The following NRG1 variants were observed in gnomAD, a reference collection of about 807,000 sequenced individuals.
NRG1 encodes the protein neuregulin 1.
Under a neutral mutation model 63.8 loss-of-function variants are expected in NRG1, and 18 were observed. The ratio of observed to expected loss-of-function variants is 0.28; its 90% CI spans 0.19 to 0.42. NRG1 has a LOEUF of 0.42. NRG1 is among the 10% of genes least tolerant of loss of function. The pLI is 1.00. For missense variants in NRG1, 762 were observed against 814.7 expected (o/e 0.94, Z 0.79); for synonymous variants, 302 against 301.3 (o/e 1.00, Z -0.02).
chr8:31,732,720 C>T (rs1814219219), intron 1 of NRG1, among the ~76,000 whole-genome samples: 1 of 152,070 alleles, frequency 6.6e-6, no homozygotes. Flanking sequence ...CATGGTGAAA[C>T]TCCATCTCTA....
In NRG1 at chr8:31,828,887, A is replaced by G. The variant is rs117810710; in HGVS notation, c.37+189456A>G. On this transcript the variant is annotated intron_variant, in intron 1 of 10. Transcript: ENST00000519301. ...GTCAGTAGAATGCATTTGTGTACTTACACACTTATTATTCAACAAATGCCT... is the reference window on the plus strand; with the variant it reads ...GTCAGTAGAATGCATTTGTGTACTTGCACACTTATTATTCAACAAATGCCT... Among the ~76,000 whole-genome samples the G allele has an allele frequency of 3.9e-3, 587 of 152,322 alleles. 1 individual carries two copies. Among genetic ancestry groups the G allele is most frequent in the Middle Eastern group, 0.024 (7 of 294 alleles).
At chr8:32,604,871 C>T (rs1011830099) in intron 2 of NRG1, among the ~76,000 whole-genome samples, 1 of 102,924 alleles carries the variant, frequency 9.7e-6, no homozygotes. Context: ...CAATGCTGCC[C>T]ATGTTAAAAA....
At chr8:31,882,154 C>A (rs529672679) in intron 1 of NRG1, among the ~76,000 whole-genome samples, 1 of 151,798 alleles carries the variant, frequency 6.6e-6, no homozygotes, top group African/African-American at 2.4e-5. Flanking sequence ...GACCTTAAGT[C>A]GAAGCCCATG....
At chr8:31,834,678 T>A (rs1467431223) in intron 1 of NRG1, among the ~76,000 whole-genome samples, 2 of 152,120 alleles carry the variant, frequency 1.3e-5, no homozygotes, top group African/African-American at 4.8e-5. Flanking sequence ...ATCACTACAC[T>A]CCAGTCTGTG....
chr8:31,794,732 G>A (rs1821036513), intron 1 of NRG1, among the ~76,000 whole-genome samples: 1 of 152,044 alleles, frequency 6.6e-6, no homozygotes, highest in Non-Finnish European at 1.5e-5. Flanking sequence ...TTATGGAGTA[G>A]TAACATGATA....
At chr8:32,050,989 T>G (rs1056941671) in intron 1 of NRG1, among the ~76,000 whole-genome samples, 3 of 151,896 alleles carry the variant, frequency 2.0e-5, no homozygotes, top group Non-Finnish European at 2.9e-5. Context: ...AGGGGAGAGA[T>G]AAGAGAGTGG....
At chr8:31,787,724 T>TA (rs1453764959) in intron 1 of NRG1, among the ~76,000 whole-genome samples, 1 of 152,208 alleles carries the variant, frequency 6.6e-6, no homozygotes, top group African/African-American at 2.4e-5. Flanking sequence ...GCAAATATAC[T>TA]AATGTTATAT....
chr8:31,680,883 C>T (rs2131060268), intron 1 of NRG1, among the ~76,000 whole-genome samples: 1 of 152,228 alleles, frequency 6.6e-6, no homozygotes, highest in South Asian at 2.1e-4. Flanking sequence ...CCTGCCCGCA[C>T]ACAGAACAGC....
At chr8:32,704,274 T>C (rs955053670) in intron 5 of NRG1, among the ~76,000 whole-genome samples, 2 of 152,222 alleles carry the variant, frequency 1.3e-5, no homozygotes, top group Non-Finnish European at 2.9e-5. Context: ...TAGTGATTTG[T>C]TGAGCTGGAT....
intron 1 of NRG1, among the ~76,000 whole-genome samples, chr8:31,990,243 C>T (rs1354373205): frequency 6.6e-6 from 1 of 152,098 alleles, no homozygotes; most frequent in African/African-American, 2.4e-5. Flanking sequence ...AATTCCTGAT[C>T]TAGGTAATGC....
intron 1 of NRG1, among the ~76,000 whole-genome samples, chr8:32,432,808 C>T (rs75212307): frequency 0.014 from 2,152 of 152,188 alleles, 56 homozygotes; most frequent in African/African-American, 0.049. Context: ...TATTTAATAT[C>T]ACAACGAAGT....
intron 1 of NRG1, among the ~76,000 whole-genome samples, chr8:31,671,415 G>T (rs1013209829): frequency 2.6e-5 from 4 of 152,122 alleles, no homozygotes; most frequent in South Asian, 2.1e-4. Flanking sequence ...ATTAGTTGGG[G>T]ATAGCGGATT....
At chr8:32,093,556 T>C (rs1311903441) in intron 1 of NRG1, among the ~76,000 whole-genome samples, 1 of 152,172 alleles carries the variant, frequency 6.6e-6, no homozygotes, top group Non-Finnish European at 1.5e-5. Flanking sequence ...TTTTTCACTA[T>C]ATAGGAACCG....
intron 1 of NRG1, among the ~76,000 whole-genome samples, chr8:32,319,802 AT>A (rs1192301309): frequency 1.3e-5 from 2 of 152,116 alleles, no homozygotes; most frequent in African/African-American, 4.8e-5. Context: ...ATTAGGAATA[AT>A]TTTTATATTA....
chr8:32,067,385 G>A (rs1411062635), intron 1 of NRG1, among the ~76,000 whole-genome samples: 2 of 152,152 alleles, frequency 1.3e-5, no homozygotes, highest in East Asian at 3.9e-4. Context: ...TTTATTGAGA[G>A]TTTTTAGCAT....
intron 1 of NRG1, among the ~76,000 whole-genome samples, chr8:32,514,289 A>G (rs181716661): frequency 1.1e-4 from 16 of 151,742 alleles, no homozygotes; most frequent in African/African-American, 2.9e-4. Context: ...TTGTGTGTGT[A>G]TATATATATA....
chr8:32,525,602 C>A (rs1329861685), intron 1 of NRG1, among the ~76,000 whole-genome samples: 1 of 152,142 alleles, frequency 6.6e-6, no homozygotes, highest in Non-Finnish European at 1.5e-5. Context: ...CTGCTTTAAT[C>A]TCTTCAGAGA....
intron 1 of NRG1, among the ~76,000 whole-genome samples, chr8:31,795,216 T>G (rs1224560146): frequency 1.3e-5 from 2 of 152,112 alleles, no homozygotes; most frequent in African/African-American, 4.8e-5. Flanking sequence ...TGTCACACAG[T>G]AAAAGATAAG....
chr8:31,805,240 GAAAT>G (rs1358383936), intron 1 of NRG1, among the ~76,000 whole-genome samples: 2 of 151,798 alleles, frequency 1.3e-5, no homozygotes, highest in Non-Finnish European at 2.9e-5. Flanking sequence ...ATATAAAATT[GAAAT>G]AAATATTGTC....
Sources: allele counts gnomAD v4.1 joint callset (sites outside exome capture counted in the v4.1 genomes callset), GRCh38; gene constraint gnomAD v4.1.1; transcripts MANE v1.5; gene names NCBI Gene and HGNC (gene_info 2026-07-23, HGNC 2026-07-21).